Variants in DSG1 observed in about 807,000 individuals in gnomAD.
DSG1 encodes the protein desmoglein-1.
DSG1 carries 39 observed loss-of-function variants against 97.5 expected under a neutral mutation model. The observed-to-expected ratio is 0.40, with a 90% CI of 0.31 to 0.52. The LOEUF (loss-of-function observed/expected upper bound fraction) is 0.52, where lower values mean the gene tolerates loss of function less well. Ranked by LOEUF, DSG1 falls within the 20% of genes least tolerant of loss-of-function variation. The pLI is 0.53. For missense variants in DSG1, 1,311 were observed against 1,295.4 expected, an observed-to-expected ratio of 1.01 and a Z score of -0.18; for synonymous variants, 475 against 443.4, an observed-to-expected ratio of 1.07 and a Z score of -0.90.
intron 3 of DSG1, 80 bp from the exon 4 acceptor site, chr18:31,328,109 A>G: frequency 1.4e-6 from 2 of 1,467,278 alleles, no homozygotes; most frequent in Non-Finnish European, 1.9e-6. Context: ...ACATGCAACA[A>G]CTCTCAAGAA....
At chr18:31,341,936 GT>G in intron 11 of DSG1, among the ~76,000 whole-genome samples, 1 of 115,646 alleles carries the variant, frequency 8.6e-6, no homozygotes, top group Non-Finnish European at 2.0e-5. Flanking sequence ...TTGTTTTTTT[GT>G]TTTTTTGTTT....
intron 8 of DSG1, among the ~76,000 whole-genome samples, chr18:31,335,854 T>C (rs2071748569): frequency 6.6e-6 from 1 of 150,548 alleles, no homozygotes; most frequent in African/African-American, 2.4e-5. Context: ...ATTATATATA[T>C]ATTACATTAT....
At position 31,356,926 on chromosome 18, in the gene DSG1, G is replaced by T. The variant is rs2071964120; in HGVS notation, c.*1580G>T. 6.6e-6 allele frequency: 1 copy of T among 152,014 alleles called. No individual in the cohort carries two copies. Among genetic ancestry groups the T allele is most frequent in the Non-Finnish European group, 1.5e-5 (1 of 67,980 alleles). 9.4% of individuals were successfully genotyped at this position (152,014 alleles called of 1,614,324 possible). On this transcript the variant is annotated 3_prime_UTR_variant, in exon 15 of 15. Transcript: ENST00000257192. ...CTAAGAAAAAGGTAAATTTACTATTGCATGGTACAGAAATTTTTTCTTTCT... is the reference window on the plus strand; with the variant it reads ...CTAAGAAAAAGGTAAATTTACTATTTCATGGTACAGAAATTTTTTCTTTCT...
rs2071830662 is a variant in DSG1, at chr18:31,346,016, A to C, written c.1918A>C (p.Arg640=). 1 of 1,613,774 alleles carries C rather than the reference A, an allele frequency of 6.2e-7. No homozygotes were observed. The highest frequency in any genetic ancestry group is 8.5e-7 in the Non-Finnish European group (1 of 1,179,834). The change falls in exon 14 of 15, where the codon AGA becomes CGA. Residue 640 remains arginine (R), a synonymous_variant. Transcript: ENST00000257192. ...AGTTTATACAAATGAGTATGGTGGC[A>C]GAGAAATGCAAGATCTGGGAGGAGG... ...SGVYTNEYGG[R]EMQDLGGGER...
intron 11 of DSG1, among the ~76,000 whole-genome samples, chr18:31,341,624 C>T (rs948997043): frequency 6.6e-6 from 1 of 151,732 alleles, no homozygotes; most frequent in Non-Finnish European, 1.5e-5. Flanking sequence ...AAGTAATAAC[C>T]AGGAAAAGTT....
rs147775289 is a variant in DSG1 at position 31,331,815 on chromosome 18, T to C, written c.632T>C (p.Ile211Thr). 5.8e-5 allele frequency: 93 copies of C among 1,612,772 alleles called. No homozygotes were observed. In the East Asian group the frequency reaches 1.8e-3, roughly 31 times the overall value. Residue 211 changes from isoleucine to threonine, a missense_variant, in exon 6 of 15, where the codon ATC becomes ACC. Around this residue, in one of 3 missense-constraint regions of DSG1, gnomAD observed 259 missense variants for 304.1 expected, o/e 0.85. Transcript: ENST00000257192. ...CCTTCAGATTCACCAATGTTTATTA[T>C]CAACAGAAATACTGGAGAAATTCGA... The part of the protein sequence containing the change: ...QEPSDSPMFI[I>T]NRNTGEIRTM...
At chr18:31,323,938 G>T (rs959360077) in intron 1 of DSG1, among the ~76,000 whole-genome samples, 4 of 142,522 alleles carry the variant, frequency 2.8e-5, no homozygotes, top group Non-Finnish European at 6.1e-5. Context: ...TGTTTCTTTC[G>T]CCATTCCTTC....
At chr18:31,328,474 G>A (rs530185659) in intron 4 of DSG1, 130 bp downstream of exon 4, 66 of 891,890 alleles carry the variant, frequency 7.4e-5, no homozygotes, top group Middle Eastern at 6.6e-4. Flanking sequence ...CTTAATTCAC[G>A]AGCATCCCAC....
intron 1 of DSG1, among the ~76,000 whole-genome samples, chr18:31,324,485 T>C (rs887871612): frequency 2.6e-5 from 4 of 152,178 alleles, no homozygotes; most frequent in African/African-American, 9.7e-5. Context: ...GAACTTTTGC[T>C]CAAGTTTTGA....
At chr18:31,348,806 T>C (rs1430912401) in intron 14 of DSG1, among the ~76,000 whole-genome samples, 17 of 134,582 alleles carry the variant, frequency 1.3e-4, no homozygotes, top group African/African-American at 4.8e-4. Context: ...GCCCACTTTT[T>C]GATGGGGTTG....
At position 31,354,550 on chromosome 18, in the gene DSG1, T is replaced by C; in HGVS notation, c.2354T>C (p.Leu785Pro). The C allele has an allele frequency of 6.2e-7, 1 of 1,614,170 alleles. No homozygotes were observed. The highest frequency in any genetic ancestry group is 1.7e-5 in the Admixed American group (1 of 60,032). Residue 785 changes from leucine (L) to proline (P), a missense_variant, in exon 15 of 15, where the codon CTT (leucine) becomes CCT (proline). Transcript: ENST00000257192. Reference sequence around the variant, plus strand: ...CCACAAAGCACTGAACCAGTTTGCCTTCCTCAGGAAACAGAGCCCGTTGTT... The same window carrying C: ...CCACAAAGCACTGAACCAGTTTGCCCTCCTCAGGAAACAGAGCCCGTTGTT... ...WPPQSTEPVC[L>P]PQETEPVVSG...
rs369263345 is a variant in DSG1 at position 31,345,980 on chromosome 18, A to G, written c.1892-10A>G. 5.0e-6 allele frequency: 8 copies of G among 1,609,994 alleles called. No homozygotes were observed. Among genetic ancestry groups the G allele is most frequent in the East Asian group, 4.5e-5 (2 of 44,796 alleles). Reference sequence around the variant, plus strand: ...AAAGAAAATAAATTTAATTTGATCAACACTTTTAGGAGTTTATACAAATGA... The same window carrying G: ...AAAGAAAATAAATTTAATTTGATCAGCACTTTTAGGAGTTTATACAAATGA... On this transcript the variant is annotated splice_polypyrimidine_tract_variant and intron_variant, in intron 13 of 14. Coordinates refer to ENST00000257192, the MANE Select transcript of DSG1 (RefSeq NM_001942.4).
chr18:31,355,178 T>G lies in DSG1; in HGVS notation c.2982T>G (p.Ala994=), dbSNP rs1343280085. The G allele has an allele frequency of 6.2e-7, 1 of 1,603,506 alleles. No homozygotes were observed. Among genetic ancestry groups the G allele is most frequent in the African/African-American group, 1.3e-5 (1 of 74,772 alleles). ...MGAGSGALSG[A]GISGGGIGLS... is the part of the protein sequence containing the mutation. ...CTGGGAGCGGTGCCCTGAGTGGAGC[T>G]GGCATAAGTGGTGGTGGCATTGGCC... The change falls in exon 15 of 15, where the codon GCT becomes GCG. Residue 994 remains alanine (A), a synonymous_variant. Coordinates refer to ENST00000257192, the MANE Select transcript of DSG1 (RefSeq NM_001942.4).
At chr18:31,348,918 C>A (rs1407166230) in intron 14 of DSG1, among the ~76,000 whole-genome samples, 1 of 99,298 alleles carries the variant, frequency 1.0e-5, no homozygotes, top group Non-Finnish European at 2.0e-5. Context: ...TGTAGGTTGC[C>A]TGTTCACTCT....
intron 5 of DSG1, 62 bp downstream of exon 5, chr18:31,330,098 C>T: frequency 6.4e-7 from 1 of 1,571,080 alleles, no homozygotes; most frequent in Admixed American, 1.7e-5. Context: ...GGAGACTAAA[C>T]TATGTCAAAG....
intron 6 of DSG1, 42 bp downstream of exon 6, chr18:31,331,909 C>T (rs1217657817): frequency 6.3e-7 from 1 of 1,586,472 alleles, no homozygotes; most frequent in African/African-American, 1.3e-5. Context: ...CTCAAAGGAA[C>T]TGATTCTAAA....
rs1421466849 is a variant in DSG1 at position 31,339,344 on chromosome 18, C to A, written c.1406-400C>A. 2.0e-5 allele frequency among the ~76,000 whole-genome samples: 3 copies of A among 152,002 alleles called. No homozygotes were observed. The East Asian group carries it at 5.8e-4, about 29-fold the overall frequency. On this transcript the variant is annotated intron_variant, in intron 10 of 14. Transcript: ENST00000257192. ...CAATGTAACATAAATAATAAGCAAC[C>A]ATTCGGCATTATAATTAAGGACAAA...
In DSG1 at chr18:31,355,333, A is replaced by T. The variant is rs2071947107; in HGVS notation, c.3137A>T (p.Gln1046Leu). 1 of 1,614,064 alleles carries T rather than the reference A, an allele frequency of 6.2e-7. No individual in the cohort carries two copies. The highest frequency in any genetic ancestry group is 1.1e-5 in the South Asian group (1 of 91,090). Residue 1046 changes from glutamine (Q) to leucine (L), a missense_variant, in exon 15 of 15, where the codon CAA (glutamine) becomes CTA (leucine). Physicochemically the swap from Gln to Leu is moderately radical, Grantham distance 113. Around this residue, in one of 3 missense-constraint regions of DSG1, gnomAD observed 1,038 missense variants for 964.6 expected, o/e 1.08. Transcript: ENST00000257192. ...RSRITKYSTV[Q>L]YSK ...CGAATCACAAAGTATAGTACCGTGC[A>T]ATATAGCAAGTAGTCAGGACCCCAG...
At position 31,340,169 on chromosome 18, in the gene DSG1, T is replaced by G. The variant is rs1390174575; in HGVS notation, c.1687+144T>G. ...AGAAACTTCTGTGTTTGGCACTGGG[T>G]TTATAAGATGAAAAAATTAAACTTT... is the stretch of plus-strand genomic sequence containing the variant. On this transcript the variant is annotated intron_variant, in intron 11 of 14. Coordinates refer to ENST00000257192, the MANE Select transcript of DSG1 (RefSeq NM_001942.4). 4.7e-5 allele frequency: 42 copies of G among 898,268 alleles called. No homozygotes were observed. The Admixed American group carries it at 1.2e-3, about 25-fold the overall frequency. 55.6% of individuals were successfully genotyped at this position (898,268 alleles called of 1,614,324 possible). A position where few individuals can be genotyped will look rare whatever the true frequency, so the allele number is the denominator to read the frequency against.
Sources: allele counts gnomAD v4.1 joint callset (sites outside exome capture counted in the v4.1 genomes callset), GRCh38; gene constraint gnomAD v4.1.1; regional missense constraint gnomAD v4.1.1; transcripts MANE v1.5; gene names NCBI Gene and HGNC (gene_info 2026-07-23, HGNC 2026-07-21).